Variants in DOCK1 observed in about 807,000 individuals in gnomAD.
DOCK1 encodes dedicator of cytokinesis 1, also known as dedicator of cytokinesis protein 1.
In DOCK1, 138 loss-of-function variants were observed where a neutral mutation model predicts 262.7. That is an observed-to-expected ratio of 0.53 (90% CI 0.46 to 0.61). The LOEUF (loss-of-function observed/expected upper bound fraction) is 0.61, where lower values mean the gene tolerates loss of function less well. Ranked by LOEUF, DOCK1 falls within the 20% of genes least tolerant of loss-of-function variation. The pLI is 0.00. For synonymous variants in DOCK1, 866 were observed against 867.4 expected (o/e 1.00, Z 0.03); for missense variants, 1,908 against 2,370.7 (o/e 0.80, Z 4.05).
chr10:127,218,669 A>G (rs536221570), intron 27 of DOCK1, among the ~76,000 whole-genome samples: 26 of 152,272 alleles, frequency 1.7e-4, no homozygotes, highest in African/African-American at 6.0e-4. Context: ...AATGTCTCTT[A>G]CCTTTTTTTC....
chr10:127,377,891 CAAAAA>C (rs71490127), intron 35 of DOCK1, among the ~76,000 whole-genome samples: 1 of 104,756 alleles, frequency 9.5e-6, no homozygotes, highest in Admixed American at 9.9e-5. Flanking sequence ...GACTCTGTCT[CAAAAA>C]AAAAAAAAAA....
Position 127,175,860 on chromosome 10 carries a change from T to C in DOCK1, c.2847+48096T>C. ...AGGCTGGTCCACTGTGTTCATGTGTTGGTTGGAATGGAAAACCAAGGCTGT... is the reference window on the plus strand; with the variant it reads ...AGGCTGGTCCACTGTGTTCATGTGTCGGTTGGAATGGAAAACCAAGGCTGT... On this transcript the variant is annotated intron_variant, in intron 27 of 51. Transcript: ENST00000623213. This position sits in a 1 kb window ranked among gnomAD's most constrained non-coding sequence, Gnocchi z 6.3. 6.2e-7 allele frequency: 1 copy of C among 1,614,142 alleles called. No individual in the cohort carries two copies. Among genetic ancestry groups the C allele is most frequent in the Non-Finnish European group, 8.5e-7 (1 of 1,180,016 alleles).
intron 4 of DOCK1, among the ~76,000 whole-genome samples, chr10:126,985,629 C>T (rs1449031607): frequency 6.6e-6 from 1 of 152,078 alleles, no homozygotes; most frequent in Non-Finnish European, 1.5e-5. Flanking sequence ...ACCCAGGATC[C>T]GTAAGATGAA....
At chr10:127,196,621 G>A (rs2044593299) in intron 27 of DOCK1, among the ~76,000 whole-genome samples, 3 of 146,608 alleles carry the variant, frequency 2.0e-5, no homozygotes, top group Non-Finnish European at 3.0e-5. Flanking sequence ...TGGGGCGGGG[G>A]CGGCGCGGGG....
At chr10:126,938,204 G>A (rs1342406571) in intron 1 of DOCK1, among the ~76,000 whole-genome samples, 2 of 152,010 alleles carry the variant, frequency 1.3e-5, no homozygotes, top group Non-Finnish European at 2.9e-5. Flanking sequence ...GCACCACCAC[G>A]CCTGGCTAAT....
At chr10:127,136,628 A>G (rs1345721516) in intron 27 of DOCK1, 4 of 152,652 alleles carry the variant, frequency 2.6e-5, no homozygotes, top group African/African-American at 7.2e-5. Context: ...AAATAAAGGA[A>G]CTAAGATTTA....
Position 126,996,985 on chromosome 10 carries a change from C to T in DOCK1, c.609+102C>T. ...CCCAAAATTGTCACTAAGAAAGAAC[C>T]TGAAAAGGAGTAGCTGCAGAGTTTG... On this transcript the variant is annotated intron_variant, in intron 7 of 51. Coordinates refer to ENST00000623213, the MANE Select transcript of DOCK1 (RefSeq NM_001290223.2). The T allele has an allele frequency of 2.3e-6, 3 of 1,314,446 alleles. No homozygotes were observed. The South Asian group carries it at 5.1e-5, about 22-fold the overall frequency. The allele number at this position is 1,314,446 out of a possible 1,614,324, so 81.4% of individuals were successfully genotyped here.
intron 1 of DOCK1, among the ~76,000 whole-genome samples, chr10:126,912,912 T>G (rs778102863): frequency 1.3e-5 from 2 of 152,090 alleles, no homozygotes; most frequent in Non-Finnish European, 2.9e-5. Flanking sequence ...GGACACAGTG[T>G]AGCCCATAAC....
intron 23 of DOCK1, among the ~76,000 whole-genome samples, chr10:127,101,250 T>G (rs1414179650): frequency 6.6e-6 from 1 of 151,936 alleles, no homozygotes; most frequent in East Asian, 1.9e-4. Context: ...GGGGTCAGGC[T>G]TGAGAAGAGC....
intron 13 of DOCK1, among the ~76,000 whole-genome samples, chr10:127,020,747 T>C (rs1415649436): frequency 1.3e-5 from 2 of 152,168 alleles, no homozygotes; most frequent in South Asian, 2.1e-4. Context: ...GAGTAATCAC[T>C]GGCCGCGCTG....
At chr10:127,236,669 T>C (rs2059077029) in intron 27 of DOCK1, among the ~76,000 whole-genome samples, 1 of 151,968 alleles carries the variant, frequency 6.6e-6, no homozygotes. Flanking sequence ...GGTATATTCC[T>C]CCAATTTTTA....
At chr10:127,056,463 C>T (rs561693676) in intron 22 of DOCK1, among the ~76,000 whole-genome samples, 3 of 152,108 alleles carry the variant, frequency 2.0e-5, no homozygotes, top group Non-Finnish European at 4.4e-5. Flanking sequence ...CCCAAAGTGC[C>T]AGGATTCCAG....
At chr10:126,912,508 C>G (rs890694644) in intron 1 of DOCK1, among the ~76,000 whole-genome samples, 4 of 151,060 alleles carry the variant, frequency 2.6e-5, no homozygotes, top group Non-Finnish European at 4.4e-5. Context: ...GGGGAGATCA[C>G]GAGGTCAGTA....
chr10:127,203,736 C>T (rs944825150), intron 27 of DOCK1, among the ~76,000 whole-genome samples: 6 of 151,770 alleles, frequency 4.0e-5, no homozygotes, highest in East Asian at 1.9e-4. Flanking sequence ...CGGATCTCCC[C>T]GTGTCCAATT....
intron 29 of DOCK1, chr10:127,257,696 A>G (rs1010765535): frequency 3.1e-6 from 1 of 322,526 alleles, no homozygotes; most frequent in African/African-American, 2.0e-5. Context: ...CCTAGCTGTC[A>G]TCATGGGCAC....
intron 27 of DOCK1, among the ~76,000 whole-genome samples, chr10:127,209,189 A>AT (rs57078161): frequency 1 from 152,026 of 152,374 alleles, 75,839 homozygotes; most frequent in Middle Eastern, 1. Flanking sequence ...AGAAGGTTTC[A>AT]GTTCTTTACA....
intron 1 of DOCK1, among the ~76,000 whole-genome samples, chr10:126,920,058 C>G (rs576926143): frequency 6.6e-6 from 1 of 152,084 alleles, no homozygotes; most frequent in African/African-American, 2.4e-5. Context: ...CCCTCCACCC[C>G]GGCTGTGGGA....
intron 29 of DOCK1, among the ~76,000 whole-genome samples, chr10:127,306,470 T>G (rs1039680297): frequency 6.6e-6 from 1 of 152,178 alleles, no homozygotes; most frequent in African/African-American, 2.4e-5. Flanking sequence ...TGCCCTTGGC[T>G]CCTGCATTTA....
intron 47 of DOCK1, among the ~76,000 whole-genome samples, chr10:127,429,783 G>A (rs548496511): frequency 3.9e-5 from 6 of 151,904 alleles, no homozygotes; most frequent in African/African-American, 7.3e-5. Context: ...CACCTGCCAC[G>A]TTCGGCATTG....
Sources: allele counts gnomAD v4.1 joint callset (sites outside exome capture counted in the v4.1 genomes callset), GRCh38; gene constraint gnomAD v4.1.1; non-coding constraint Gnocchi (gnomAD v3.1); transcripts MANE v1.5; gene names NCBI Gene and HGNC (gene_info 2026-07-23, HGNC 2026-07-21).